The following ARHGEF6 variants were observed in gnomAD, a reference collection of about 807,000 sequenced individuals.
The protein encoded by ARHGEF6 is rho guanine nucleotide exchange factor 6.
ARHGEF6 carries 9 observed loss-of-function variants against 70.3 expected under a neutral mutation model. The ratio of observed to expected loss-of-function variants is 0.13; its 90% CI spans 0.08 to 0.22. The LOEUF is 0.22. Among genes scored for constraint, ARHGEF6 ranks in the 10% least tolerant of loss-of-function variants. The probability of loss-of-function intolerance (pLI) is 1.00; values close to 1 mark genes in which losing one functional copy is unlikely to be tolerated. For synonymous variants in ARHGEF6, 201 were observed against 207.8 expected (o/e 0.97, Z 0.28); for missense variants, 470 against 563.0 (o/e 0.83, Z 1.67).
chrX:136,752,316 C>A (rs2077159915), intron 2 of ARHGEF6, among the ~76,000 whole-genome samples: 2 of 111,862 alleles, frequency 1.8e-5, no homozygotes, highest in South Asian at 7.4e-4. Context: ...AGGCACTTGG[C>A]CACATTTGCC....
intron 15 of ARHGEF6, 124 bp downstream of exon 15, chrX:136,680,607 A>G: frequency 1.2e-6 from 1 of 831,909 alleles, no homozygotes; most frequent in South Asian, 2.1e-5. Context: ...ACTGTACTTC[A>G]AAATCTACAA....
chrX:136,768,998 AAG>A (rs1382827289), intron 2 of ARHGEF6, among the ~76,000 whole-genome samples: 2 of 109,315 alleles, frequency 1.8e-5, no homozygotes, highest in Admixed American at 9.8e-5. Flanking sequence ...GAGAGAGAGT[AAG>A]AGAGGGGGAA....
intron 2 of ARHGEF6, among the ~76,000 whole-genome samples, chrX:136,778,275 G>A (rs1386372925): frequency 9.0e-6 from 1 of 111,559 alleles, no homozygotes; most frequent in African/African-American, 3.3e-5. Flanking sequence ...GCTAGTAAGA[G>A]AGAACTGAGA....
chrX:136,673,862 C>T (rs908447585), intron 19 of ARHGEF6, among the ~76,000 whole-genome samples: 18 of 110,094 alleles, frequency 1.6e-4, no homozygotes, highest in African/African-American at 5.3e-4. Context: ...CCCCACCTCT[C>T]GTTCTCTTGT....
Position 136,668,134 on chromosome X carries a change from T to A in ARHGEF6, c.2226A>T (p.Glu742Asp). The change falls in exon 22 of 22, where the codon GAA becomes GAT. Residue 742 changes from glutamate (E) to aspartate (D), a missense_variant. Around this residue, in one of 3 missense-constraint regions of ARHGEF6, gnomAD observed 88 missense variants for 95.5 expected, o/e 0.92. Coordinates refer to ENST00000250617, the MANE Select transcript of ARHGEF6 (RefSeq NM_004840.3). ...TTTCTAGGTCCCTTCTTGATTTCAGTTCTTCTTCCAGGCATTGCTTCATTC... is the reference window on the plus strand; with the variant it reads ...TTTCTAGGTCCCTTCTTGATTTCAGATCTTCTTCCAGGCATTGCTTCATTC... ...NKRMKQCLEE[E>D]LKSRRDLEKL... 1 of 1,211,646 alleles carries A rather than the reference T, an allele frequency of 8.3e-7. No individual in the cohort carries two copies. The highest frequency in any genetic ancestry group is 1.1e-6 in the Non-Finnish European group (1 of 895,325).
chrX:136,714,140 T>C (rs1227101680), intron 6 of ARHGEF6, among the ~76,000 whole-genome samples: 1 of 111,804 alleles, frequency 8.9e-6, no homozygotes, highest in Non-Finnish European at 1.9e-5. Context: ...AAATAAAAAT[T>C]ATCATTATTA....
intron 16 of ARHGEF6, 130 bp downstream of exon 16, chrX:136,679,405 T>C: frequency 3.7e-6 from 3 of 809,161 alleles, no homozygotes; most frequent in Non-Finnish European, 5.4e-6. Context: ...AATCACTGAG[T>C]CTGGCAATTC....
rs775034365 is a variant in ARHGEF6, at chrX:136,732,164, G to C, written c.670C>G (p.Leu224Val). ...VREIKSSERP[L>V]SPKAVKGFET... ...AATCCTTTGACGGCTTTTGGGGAGA[G>C]AGGTCTCTCTGTGAAAAAAACATTT... The change falls in exon 6 of 22, where the codon CTC becomes GTC. Residue 224 changes from leucine (L) to valine (V), a missense_variant. Around this residue, in one of 3 missense-constraint regions of ARHGEF6, gnomAD observed 379 missense variants for 449.3 expected, o/e 0.84. Transcript: ENST00000250617. The C allele has an allele frequency of 8.3e-7, 1 of 1,202,123 alleles. No individual in the cohort carries two copies. Among genetic ancestry groups the C allele is most frequent in the Non-Finnish European group, 1.1e-6 (1 of 887,714 alleles).
At chrX:136,684,545 T>A (rs894649841) in intron 12 of ARHGEF6, among the ~76,000 whole-genome samples, 2 of 110,599 alleles carry the variant, frequency 1.8e-5, no homozygotes, top group African/African-American at 6.6e-5. Context: ...AAATAATCCA[T>A]CTTCAGCTCC....
At chrX:136,675,166 C>T (rs1049957327) in intron 18 of ARHGEF6, 70 bp from the exon 19 acceptor site, 4 of 934,611 alleles carry the variant, frequency 4.3e-6, no homozygotes, top group Non-Finnish European at 6.1e-6. Flanking sequence ...ATGCAGCACA[C>T]TCCACTGCCT....
At chrX:136,744,350 G>A (rs1232464962) in intron 4 of ARHGEF6, among the ~76,000 whole-genome samples, 1 of 111,981 alleles carries the variant, frequency 8.9e-6, no homozygotes, top group Non-Finnish European at 1.9e-5. Context: ...GGGTACAACT[G>A]CAGTTTTATT....
intron 10 of ARHGEF6, among the ~76,000 whole-genome samples, chrX:136,689,434 G>A (rs1366069875): frequency 8.9e-6 from 1 of 112,252 alleles, no homozygotes; most frequent in Non-Finnish European, 1.9e-5. Flanking sequence ...ACACTGAAAA[G>A]TAATAGAAAC....
intron 9 of ARHGEF6, among the ~76,000 whole-genome samples, chrX:136,697,688 C>T (rs937084462): frequency 8.0e-5 from 9 of 112,053 alleles, no homozygotes; most frequent in Admixed American, 4.7e-4. Context: ...ACTCTGTGAG[C>T]GAAATAGACT....
Position 136,666,035 on chromosome X carries a change from G to A in ARHGEF6, c.*1994C>T, listed in dbSNP as rs951381533. 6.2e-5 allele frequency: 7 copies of A among 112,926 alleles called. No individual in the cohort carries two copies. Among genetic ancestry groups the A allele is most frequent in the African/African-American group, 2.3e-4 (7 of 31,052 alleles). The allele number at this position is 112,926 out of a possible 1,213,427, so 9.3% of individuals were successfully genotyped here. On this transcript the variant is annotated 3_prime_UTR_variant, in exon 22 of 22. Transcript: ENST00000250617. Reference sequence around the variant, plus strand: ...GACTAACCACAGAATGGGCAGATGTGAAGATCTGTGTTGATGTTGTTGGTG... The same window carrying A: ...GACTAACCACAGAATGGGCAGATGTAAAGATCTGTGTTGATGTTGTTGGTG...
In ARHGEF6 at chrX:136,708,649, T is replaced by C. The variant is rs778838772; in HGVS notation, c.923+26A>G. ...ACACAAACAGCAATGTTGCTGGCTA[T>C]CCTATCAGAAATATGCCACACTTAC... On this transcript the variant is annotated intron_variant, in intron 8 of 21. Transcript: ENST00000250617. 4 of 1,150,871 alleles carry C rather than the reference T, an allele frequency of 3.5e-6. No individual in the cohort carries two copies. In the African/African-American group the frequency reaches 5.4e-5, roughly 15 times the overall value. 94.8% of individuals were successfully genotyped at this position (1,150,871 alleles called of 1,213,427 possible).
intron 2 of ARHGEF6, chrX:136,767,497 G>GTCTTGTCCTCAAGT (rs2077328787): frequency 1.3e-6 from 1 of 753,905 alleles, no homozygotes; most frequent in African/African-American, 2.3e-5. Flanking sequence ...GGAAGTCAGA[G>GTCTTGTCCTCAAGT]TCTTGTCCTC....
intron 6 of ARHGEF6, among the ~76,000 whole-genome samples, chrX:136,727,411 C>CTCTCTCTCTCTT (rs1569411095): frequency 5.6e-5 from 4 of 71,554 alleles, no homozygotes; most frequent in African/African-American, 2.7e-4. Context: ...CTCTCTCTCT[C>CTCTCTCTCTCTT]TCTTTCTTTC....
At chrX:136,678,759 T>C (rs1284230136) in intron 16 of ARHGEF6, among the ~76,000 whole-genome samples, 1 of 111,860 alleles carries the variant, frequency 8.9e-6, no homozygotes, top group Non-Finnish European at 1.9e-5. Flanking sequence ...ATCTCATAAC[T>C]GTCACAAACT....
In ARHGEF6 at chrX:136,706,876, T is replaced by C. The variant is rs552372308; in HGVS notation, c.1046+32A>G. ...GACGTGGTCCTAAGAAAGGATCTCA[T>C]TGCAAAAGTTGGGGAAATGTTAACT... On this transcript the variant is annotated intron_variant, in intron 9 of 21. Transcript: ENST00000250617. 4 of 1,209,050 alleles carry C rather than the reference T, an allele frequency of 3.3e-6. No individual in the cohort carries two copies. In the Admixed American group the frequency reaches 6.5e-5, roughly 20 times the overall value.
Sources: gnomAD v4.1 joint callset for allele counts (sites outside exome capture counted in the v4.1 genomes callset) on GRCh38, gnomAD v4.1.1 for gene constraint, gnomAD v4.1.1 regional missense constraint, MANE v1.5 for transcripts, NCBI Gene and HGNC (gene_info 2026-07-23, HGNC 2026-07-21) for gene names.